UTRN: variants seen among roughly 807,000 people sequenced by gnomAD.
The protein encoded by UTRN is utrophin, also known as dystrophin-related protein 1.
A neutral mutation model predicts 463.9 loss-of-function variants in UTRN; 283 were observed. The ratio of observed to expected loss-of-function variants is 0.61; its 90% CI spans 0.55 to 0.67. UTRN has a LOEUF of 0.67. Ranked by LOEUF, UTRN falls within the 30% of genes least tolerant of loss-of-function variation. The pLI is 0.00. For synonymous variants in UTRN, 1,442 were observed against 1,431.5 expected (o/e 1.01, Z -0.17); for missense variants, 3,922 against 4,084.3 (o/e 0.96, Z 1.08).
intron 2 of UTRN, among the ~76,000 whole-genome samples, chr6:144,370,513 G>A (rs964491161): frequency 2.6e-5 from 4 of 152,210 alleles, no homozygotes; most frequent in Non-Finnish European, 4.4e-5. Flanking sequence ...GTGTTGCAGG[G>A]GCAGAGCCCT....
intron 33 of UTRN, among the ~76,000 whole-genome samples, chr6:144,495,316 G>T (rs961564061): frequency 3.9e-5 from 6 of 152,252 alleles, no homozygotes; most frequent in African/African-American, 1.4e-4. Context: ...CTAAGGCCCG[G>T]TGAGAAATTG....
chr6:144,843,221 A>G (rs1258337204), intron 73 of UTRN, among the ~76,000 whole-genome samples: 1 of 152,110 alleles, frequency 6.6e-6, no homozygotes, highest in Non-Finnish European at 1.5e-5. Context: ...GACATTTTCA[A>G]TTGTAAAAGT....
intron 25 of UTRN, among the ~76,000 whole-genome samples, chr6:144,474,998 C>T (rs527776297): frequency 6.6e-6 from 1 of 152,348 alleles, no homozygotes; most frequent in African/African-American, 2.4e-5. Context: ...GCTTGAAACA[C>T]ATTTATGACA....
chr6:144,698,095 T>C (rs1180471505), intron 52 of UTRN, among the ~76,000 whole-genome samples: 3 of 152,220 alleles, frequency 2.0e-5, no homozygotes, highest in Non-Finnish European at 4.4e-5. Context: ...AGTAGCTCAG[T>C]CAAATTTATT....
intron 3 of UTRN, among the ~76,000 whole-genome samples, chr6:144,404,374 A>G (rs568286129): frequency 6.6e-6 from 1 of 152,332 alleles, no homozygotes; most frequent in East Asian, 1.9e-4. Context: ...CACAGGTAAC[A>G]TATGTGCATC....
In UTRN at chr6:144,451,359, T is replaced by C; in HGVS notation, c.2073-11T>C. On this transcript the variant is annotated splice_polypyrimidine_tract_variant and intron_variant, in intron 17 of 74. Coordinates refer to ENST00000367545, the MANE Select transcript of UTRN (RefSeq NM_007124.3). The stretch of plus-strand genomic sequence containing the variant: ...AACATGACAAATGGTCACCTCTGAA[T>C]CTTCAAACAGGTTTGATGCTATAAG... 1 of 1,607,830 alleles carries C rather than the reference T, an allele frequency of 6.2e-7. No individual in the cohort carries two copies. The highest frequency in any genetic ancestry group is 8.5e-7 in the Non-Finnish European group (1 of 1,177,904).
chr6:144,331,877 G>A (rs1776358528), intron 2 of UTRN, among the ~76,000 whole-genome samples: 1 of 152,202 alleles, frequency 6.6e-6, no homozygotes, highest in African/African-American at 2.4e-5. Context: ...ATTCCAGGCT[G>A]AGGAGAAAGT....
chr6:144,306,069 C>T (rs913991771), intron 2 of UTRN, among the ~76,000 whole-genome samples: 9 of 152,226 alleles, frequency 5.9e-5, no homozygotes, highest in African/African-American at 2.4e-5. Flanking sequence ...ACCCTGCACA[C>T]ACCACACACC....
Position 144,286,072 on chromosome 6 carries a change from T to C in UTRN, c.-93+251T>C, listed in dbSNP as rs1033851518. On this transcript the variant is annotated intron_variant, in intron 1 of 74. Coordinates refer to ENST00000367545, the MANE Select transcript of UTRN (RefSeq NM_007124.3). The surrounding 1 kb of genome is among the most constrained non-coding windows in gnomAD (Gnocchi z 4.4). ...GGCGTGGAGAGCTCGGGCGTGGAGGTCCTTGGGATCCGTACTAGTTGTGAA... is the reference window on the plus strand; with the variant it reads ...GGCGTGGAGAGCTCGGGCGTGGAGGCCCTTGGGATCCGTACTAGTTGTGAA... 5.3e-5 allele frequency among the ~76,000 whole-genome samples: 8 copies of C among 151,838 alleles called. No homozygotes were observed. The highest frequency in any genetic ancestry group is 1.0e-4 in the Non-Finnish European group (7 of 67,936).
chr6:144,491,183 G>GA, intron 32 of UTRN, 81 bp downstream of exon 32: 1 of 1,372,674 alleles, frequency 7.3e-7, no homozygotes. Context: ...CATGCCTAGT[G>GA]TGTCCAGTGA....
intron 13 of UTRN, among the ~76,000 whole-genome samples, chr6:144,443,980 T>C (rs1787417427): frequency 1.3e-5 from 2 of 152,146 alleles, no homozygotes; most frequent in Admixed American, 1.3e-4. Context: ...AAATGTCATA[T>C]TCTCATAAAA....
intron 2 of UTRN, among the ~76,000 whole-genome samples, chr6:144,394,294 C>G (rs1368811157): frequency 6.6e-6 from 1 of 152,136 alleles, no homozygotes; most frequent in Non-Finnish European, 1.5e-5. Context: ...ATAACGGACT[C>G]ATAGTTCCAC....
chr6:144,404,290 G>T (rs763419985), intron 3 of UTRN, among the ~76,000 whole-genome samples: 1 of 152,190 alleles, frequency 6.6e-6, no homozygotes, highest in Non-Finnish European at 1.5e-5. Context: ...ATAATTGGCA[G>T]TTATATGTGT....
intron 17 of UTRN, among the ~76,000 whole-genome samples, chr6:144,450,792 C>A (rs1788199238): frequency 6.6e-6 from 1 of 152,090 alleles, no homozygotes; most frequent in South Asian, 2.1e-4. Flanking sequence ...ACAAGTGATT[C>A]CTTATAAAGG....
Position 144,748,412 on chromosome 6 carries a change from C to T in UTRN, c.8106C>T (p.Asp2702=), listed in dbSNP as rs772054866. The T allele has an allele frequency of 6.2e-7, 1 of 1,613,882 alleles. No homozygotes were observed. Among genetic ancestry groups the T allele is most frequent in the Admixed American group, 1.7e-5 (1 of 59,982 alleles). The change falls in exon 55 of 75, where the codon GAC becomes GAT. Residue 2702 remains aspartate, a synonymous_variant. Coordinates refer to ENST00000367545, the MANE Select transcript of UTRN (RefSeq NM_007124.3). ...GAGACCTGCAGGGAGCTATGGATGACCTGGACGCTGACATGAAGGAGGCAG... is the reference window on the plus strand; with the variant it reads ...GAGACCTGCAGGGAGCTATGGATGATCTGGACGCTGACATGAAGGAGGCAG... ...KLRDLQGAMD[D]LDADMKEAES...
chr6:144,475,240 G>C (rs572154036), intron 25 of UTRN, among the ~76,000 whole-genome samples: 2 of 152,280 alleles, frequency 1.3e-5, no homozygotes, highest in East Asian at 3.9e-4. Context: ...AAATAGGATG[G>C]TCAGGGAAGG....
chr6:144,594,761 C>A (rs1319880567), intron 51 of UTRN, among the ~76,000 whole-genome samples: 1 of 152,146 alleles, frequency 6.6e-6, no homozygotes, highest in African/African-American at 2.4e-5. Context: ...CCCTCACACT[C>A]ATGAGCAGTC....
intron 3 of UTRN, among the ~76,000 whole-genome samples, chr6:144,420,060 C>G (rs906957915): frequency 2.0e-5 from 3 of 151,944 alleles, no homozygotes; most frequent in Admixed American, 1.3e-4. Flanking sequence ...TTTTAGGAAA[C>G]TTCAGAATGG....
chr6:144,730,330 A>G (rs1788383695), intron 53 of UTRN, 27 bp from the exon 54 acceptor site: 1 of 1,554,098 alleles, frequency 6.4e-7, no homozygotes, highest in African/African-American at 1.4e-5. Context: ...GAGGTTACAA[A>G]CTCAACTTTT....
Sources: allele counts gnomAD v4.1 joint callset (sites outside exome capture counted in the v4.1 genomes callset), GRCh38; gene constraint gnomAD v4.1.1; non-coding constraint Gnocchi (gnomAD v3.1); transcripts MANE v1.5; gene names NCBI Gene and HGNC (gene_info 2026-07-23, HGNC 2026-07-21).